The following MAPRE3 variants were observed in gnomAD, a reference collection of about 807,000 sequenced individuals.
MAPRE3 encodes microtubule-associated protein RP/EB family member 3.
Under a neutral mutation model 30.5 loss-of-function variants are expected in MAPRE3, and 2 were observed. The ratio of observed to expected loss-of-function variants is 0.07; its 90% confidence interval spans 0.03 to 0.21. MAPRE3 has a LOEUF of 0.21. Ranked by LOEUF, MAPRE3 falls within the 10% of genes least tolerant of loss-of-function variation. The pLI, the probability that MAPRE3 is intolerant of heterozygous loss-of-function variation, is 1.00. For missense variants in MAPRE3, 204 were observed against 351.8 expected (o/e 0.58, Z 3.36); for synonymous variants, 110 against 127.7 (o/e 0.86, Z 0.93).
At chr2:27,021,068 C>T (rs1667101635) in intron 1 of MAPRE3, among the ~76,000 whole-genome samples, 1 of 152,078 alleles carries the variant, frequency 6.6e-6, no homozygotes, top group African/African-American at 2.4e-5. Context: ...CAACTATTTA[C>T]ATCGAAGTGA....
At chr2:27,011,277 T>C (rs1200421875) in intron 1 of MAPRE3, among the ~76,000 whole-genome samples, 1 of 152,192 alleles carries the variant, frequency 6.6e-6, no homozygotes, top group Non-Finnish European at 1.5e-5. Flanking sequence ...GGTGCCACCT[T>C]CCTCCAGAAA....
intron 1 of MAPRE3, among the ~76,000 whole-genome samples, chr2:27,009,220 G>T (rs1024304983): frequency 6.6e-5 from 10 of 152,114 alleles, no homozygotes; most frequent in African/African-American, 2.4e-4. Flanking sequence ...ATCCAAATAA[G>T]GTCTGTAGTT....
chr2:27,004,765 T>A (rs1405401462), intron 1 of MAPRE3, among the ~76,000 whole-genome samples: 2 of 151,154 alleles, frequency 1.3e-5, no homozygotes, highest in Non-Finnish European at 2.9e-5. Context: ...CATGGATATG[T>A]CTGGGATCAG....
At chr2:26,978,661 A>G (rs796832184) in intron 1 of MAPRE3, among the ~76,000 whole-genome samples, 1 of 152,234 alleles carries the variant, frequency 6.6e-6, no homozygotes, top group African/African-American at 2.4e-5. Context: ...TAAGACTTCT[A>G]TTACCCCAAA....
chr2:27,015,821 A>G lies in MAPRE3; in HGVS notation c.-7-6391A>G, dbSNP rs2148222918. On this transcript the variant is annotated intron_variant, in intron 1 of 6. Transcript: ENST00000233121. The surrounding 1 kb of genome is among the most constrained non-coding windows in gnomAD (Gnocchi z 4.0). ...AGTGCCTAGATCTAAGTGCAGTCCTAATCGCCTGGGAAGGAAGCAGATGGT... is the reference window on the plus strand; with the variant it reads ...AGTGCCTAGATCTAAGTGCAGTCCTGATCGCCTGGGAAGGAAGCAGATGGT... 6.6e-6 allele frequency among the ~76,000 whole-genome samples: 1 copy of G among 152,286 alleles called. No homozygotes were observed. Among genetic ancestry groups the G allele is most frequent in the African/African-American group, 2.4e-5 (1 of 41,550 alleles).
At chr2:27,018,110 C>T (rs1048571573) in intron 1 of MAPRE3, among the ~76,000 whole-genome samples, 1 of 152,186 alleles carries the variant, frequency 6.6e-6, no homozygotes, top group African/African-American at 2.4e-5. Flanking sequence ...GTAGTCACCC[C>T]TTGAAATTCA....
chr2:27,000,455 C>G (rs1211197667), intron 1 of MAPRE3, among the ~76,000 whole-genome samples: 2 of 151,496 alleles, frequency 1.3e-5, no homozygotes, highest in African/African-American at 2.4e-5. Context: ...GAAAGAGGAA[C>G]AAGGGTAGAA....
chr2:26,995,968 A>G lies in MAPRE3; in HGVS notation c.-8+25166A>G, dbSNP rs143211320. On this transcript the variant is annotated intron_variant, in intron 1 of 6. Transcript: ENST00000233121. ...TGTCTTCAGCTTGCTTGGCCCATTC[A>G]TATCTGCCTATCGCCTCTATTCCTT... Among the ~76,000 whole-genome samples the G allele has an allele frequency of 7.2e-3, 1,088 of 151,890 alleles. 20 individuals carry two copies. Among genetic ancestry groups the G allele is most frequent in the African/African-American group, 0.025 (1,033 of 41,416 alleles).
At chr2:26,987,507 A>G (rs559635091) in intron 1 of MAPRE3, among the ~76,000 whole-genome samples, 1 of 152,206 alleles carries the variant, frequency 6.6e-6, no homozygotes, top group African/African-American at 2.4e-5. Flanking sequence ...GCATGGTGGC[A>G]GGCACCTGTA....
intron 1 of MAPRE3, among the ~76,000 whole-genome samples, chr2:26,988,652 G>C (rs1666266265): frequency 1.3e-5 from 2 of 152,182 alleles, no homozygotes; most frequent in Non-Finnish European, 2.9e-5. Context: ...AATCGTGTGT[G>C]TGTTCTCTAG....
intron 1 of MAPRE3, among the ~76,000 whole-genome samples, chr2:27,001,197 A>G (rs1389812705): frequency 6.6e-6 from 1 of 152,210 alleles, no homozygotes; most frequent in Non-Finnish European, 1.5e-5. Context: ...CAAACATCAT[A>G]GAGTGTACTC....
intron 1 of MAPRE3, chr2:27,003,055 G>T (rs56083959): frequency 0.038 from 5,842 of 152,364 alleles, 172 homozygotes; most frequent in Non-Finnish European, 0.059. Flanking sequence ...ACGTACTACA[G>T]TTTCCTGAGG....
chr2:26,988,194 G>T (rs1314587159), intron 1 of MAPRE3, among the ~76,000 whole-genome samples: 3 of 152,174 alleles, frequency 2.0e-5, no homozygotes, highest in Admixed American at 2.0e-4. Context: ...TGTCTTCATG[G>T]GACCAGCATC....
chr2:27,022,598 A>G (rs530948772), intron 2 of MAPRE3: 11 of 444,638 alleles, frequency 2.5e-5, no homozygotes, highest in Non-Finnish European at 4.0e-6. Context: ...CATGGACAGC[A>G]TGTTTCTGTA....
rs1335864863 is a variant in MAPRE3, at chr2:26,995,829, G to GTGTGTGTGTGTGTGTGTA, written c.-8+25028_-8+25029insGTGTGTGTGTGTGTGTAT. 5.5e-4 allele frequency among the ~76,000 whole-genome samples: 81 copies of GTGTGTGTGTGTGTGTGTA among 147,110 alleles called. 1 individual carries two copies. Among genetic ancestry groups the GTGTGTGTGTGTGTGTGTA allele is most frequent in the African/African-American group, 2.1e-3 (80 of 38,314 alleles). Reference sequence around the variant, plus strand: ...TGTGTGTGTGTGTGTGTGTGTGTGTGTATGTGTGTGTGTTTTGGAAAAGCT... The same window carrying GTGTGTGTGTGTGTGTGTA: ...TGTGTGTGTGTGTGTGTGTGTGTGTGTGTGTGTGTGTGTGTGTATATGTGTGTGTGTTTTGGAAAAGCT... On this transcript the variant is annotated intron_variant, in intron 1 of 6. Coordinates refer to ENST00000233121, the MANE Select transcript of MAPRE3 (RefSeq NM_012326.4).
intron 1 of MAPRE3, chr2:26,996,914 A>G (rs1036790895): frequency 6.6e-6 from 1 of 152,194 alleles, no homozygotes; most frequent in Non-Finnish European, 1.5e-5. Flanking sequence ...CTCACTTTCC[A>G]GGGGATCTTC....
chr2:27,024,021 A>G lies in MAPRE3; in HGVS notation c.268-75A>G, dbSNP rs564275781. 7 of 1,156,286 alleles carry G rather than the reference A, an allele frequency of 6.1e-6. No homozygotes were observed. In the Admixed American group the frequency reaches 1.3e-4, roughly 21 times the overall value. The allele number at this position is 1,156,286 out of a possible 1,614,324, so 71.6% of individuals were successfully genotyped here. On this transcript the variant is annotated intron_variant, in intron 3 of 6. Transcript: ENST00000233121. ...CCCAGGGGCTGGCTTTCCTGAGAGC[A>G]GTGGCCCTCAGCAGAGGAAGGCGGT...
chr2:26,978,244 A>G (rs183763085), intron 1 of MAPRE3, among the ~76,000 whole-genome samples: 93 of 152,318 alleles, frequency 6.1e-4, no homozygotes, highest in African/African-American at 2.2e-3. Flanking sequence ...ACTGCTTCTG[A>G]GTCAGCAAGA....
chr2:27,015,566 G>T lies in MAPRE3; in HGVS notation c.-7-6646G>T, dbSNP rs1013265145. ...GGGTGGAGGCCTGGAAACTGCAGGGGGTTCTTCCAGGGACCAGCCAGAACA... is the reference window on the plus strand; with the variant it reads ...GGGTGGAGGCCTGGAAACTGCAGGGTGTTCTTCCAGGGACCAGCCAGAACA... On this transcript the variant is annotated intron_variant, in intron 1 of 6. Transcript: ENST00000233121. This position sits in a 1 kb window ranked among gnomAD's most constrained non-coding sequence, Gnocchi z 4.0. 6.6e-6 allele frequency among the ~76,000 whole-genome samples: 1 copy of T among 152,134 alleles called. No homozygotes were observed. Among genetic ancestry groups the T allele is most frequent in the African/African-American group, 2.4e-5 (1 of 41,422 alleles).
Sources: gnomAD v4.1 joint callset for allele counts (sites outside exome capture counted in the v4.1 genomes callset) on GRCh38, gnomAD v4.1.1 for gene constraint, Gnocchi (gnomAD v3.1) non-coding constraint, MANE v1.5 for transcripts, NCBI Gene and HGNC (gene_info 2026-07-23, HGNC 2026-07-21) for gene names.